The following NKD1 variants were observed in gnomAD, a reference collection of about 807,000 sequenced individuals.
NKD1 encodes the protein NKD inhibitor of Wnt signaling pathway 1.
NKD1 carries 21 observed loss-of-function variants against 56.0 expected under a neutral mutation model. The observed-to-expected ratio is 0.38, with a 90% CI of 0.27 to 0.54. NKD1 has a LOEUF of 0.54. Among genes scored for constraint, NKD1 ranks in the 20% least tolerant of loss-of-function variants. NKD1 has a pLI of 0.82. For synonymous variants in NKD1, 263 were observed against 265.7 expected (o/e 0.99, Z 0.10); for missense variants, 578 against 642.7 (o/e 0.90, Z 1.09).
chr16:50,588,462 G>T (rs535813298), intron 3 of NKD1, among the ~76,000 whole-genome samples: 24 of 152,304 alleles, frequency 1.6e-4, no homozygotes, highest in Admixed American at 1.3e-3. Context: ...GCTGAGATCT[G>T]TTCTTGGCTG....
chr16:50,571,754 G>T (rs1030734418), intron 3 of NKD1, among the ~76,000 whole-genome samples: 7 of 152,136 alleles, frequency 4.6e-5, no homozygotes, highest in African/African-American at 1.7e-4. Context: ...GACTCCAACA[G>T]CCTCTGAATT....
Position 50,598,145 on chromosome 16 carries a change from A to G in NKD1, c.193-10149A>G, listed in dbSNP as rs958993135. Among the ~76,000 whole-genome samples the G allele has an allele frequency of 6.6e-6, 1 of 151,982 alleles. No individual in the cohort carries two copies. Among genetic ancestry groups the G allele is most frequent in the South Asian group, 2.1e-4 (1 of 4,814 alleles). On this transcript the variant is annotated intron_variant, in intron 3 of 9. Transcript: ENST00000268459. The surrounding 1 kb of genome is among the most constrained non-coding windows in gnomAD (Gnocchi z 4.2). ...GCCAGGAGATGAGAGTGGGAGGCCCAGGGCTGATGGGATCAGAGTGGGTAG... is the reference window on the plus strand; with the variant it reads ...GCCAGGAGATGAGAGTGGGAGGCCCGGGGCTGATGGGATCAGAGTGGGTAG...
chr16:50,579,966 T>C (rs1040240426), intron 3 of NKD1, among the ~76,000 whole-genome samples: 4 of 151,662 alleles, frequency 2.6e-5, no homozygotes, highest in Non-Finnish European at 4.4e-5. Flanking sequence ...CTTGGTCCCA[T>C]GGGTACCTGC....
chr16:50,550,960 T>C (rs749414960), intron 3 of NKD1, among the ~76,000 whole-genome samples: 1 of 151,936 alleles, frequency 6.6e-6, no homozygotes, highest in Non-Finnish European at 1.5e-5. Context: ...TTTTTCTTTT[T>C]CTTTTCTTTT....
chr16:50,602,432 A>T (rs754835742), intron 3 of NKD1, among the ~76,000 whole-genome samples: 1 of 152,200 alleles, frequency 6.6e-6, no homozygotes, highest in Non-Finnish European at 1.5e-5. Flanking sequence ...GTTGCTTTCC[A>T]TGAAACCTTG....
At chr16:50,611,044 C>T (rs931534914) in intron 4 of NKD1, among the ~76,000 whole-genome samples, 1 of 152,198 alleles carries the variant, frequency 6.6e-6, no homozygotes, top group African/African-American at 2.4e-5. Flanking sequence ...CCCAGCCTCC[C>T]TGCCCCCACA....
At chr16:50,617,864 T>C (rs1961997895) in intron 4 of NKD1, among the ~76,000 whole-genome samples, 2 of 152,126 alleles carry the variant, frequency 1.3e-5, no homozygotes, top group South Asian at 4.1e-4. Flanking sequence ...CTGGTGGAAG[T>C]AGAGGGTGGC....
chr16:50,570,314 C>T (rs758229599), intron 3 of NKD1, among the ~76,000 whole-genome samples: 5 of 152,088 alleles, frequency 3.3e-5, no homozygotes, highest in Non-Finnish European at 7.4e-5. Context: ...GAAATTGGTT[C>T]TTGGGGGGCA....
rs1962716842 is a variant in NKD1, at chr16:50,648,256, T to C, written c.*14475T>C. The C allele has an allele frequency of 6.5e-6, 1 of 152,834 alleles. No homozygotes were observed. The highest frequency in any genetic ancestry group is 6.5e-5 in the Admixed American group (1 of 15,274). The allele number at this position is 152,834 out of a possible 1,614,324, so 9.5% of individuals were successfully genotyped here. A position where few individuals can be genotyped will look rare whatever the true frequency, so the allele number is the denominator to read the frequency against. ...CTCACAGTCAGTCCCTCTTGGCTCTTCCTAGAGTCCCTTTCATTCCCTCAT... is the reference window on the plus strand; with the variant it reads ...CTCACAGTCAGTCCCTCTTGGCTCTCCCTAGAGTCCCTTTCATTCCCTCAT... On this transcript the variant is annotated 3_prime_UTR_variant, in exon 10 of 10. Coordinates refer to ENST00000268459, the MANE Select transcript of NKD1 (RefSeq NM_033119.5).
intron 3 of NKD1, chr16:50,574,867 C>G (rs1158679702): frequency 2.0e-6 from 2 of 985,336 alleles, no homozygotes; most frequent in African/African-American, 3.5e-5. Flanking sequence ...GGGCCATGGT[C>G]TGTGAACACC....
chr16:50,560,258 C>T (rs1211052760), intron 3 of NKD1, among the ~76,000 whole-genome samples: 1 of 152,206 alleles, frequency 6.6e-6, no homozygotes, highest in Non-Finnish European at 1.5e-5. Flanking sequence ...TGGTCCTGGG[C>T]ACGTGCCTGC....
In NKD1 at chr16:50,639,073, T is replaced by A. The variant is rs1962527418; in HGVS notation, c.*5292T>A. 1 of 152,188 alleles carries A rather than the reference T, an allele frequency of 6.6e-6. No homozygotes were observed. The allele number at this position is 152,188 out of a possible 1,614,324, so 9.4% of individuals were successfully genotyped here. On this transcript the variant is annotated 3_prime_UTR_variant, in exon 10 of 10. Coordinates refer to ENST00000268459, the MANE Select transcript of NKD1 (RefSeq NM_033119.5). ...CATCCCCTGAATGCTTGGGATCACC[T>A]GGGGAGAGTTCACAAAATACTGGTG...
At chr16:50,596,065 G>A (rs1961464997) in intron 3 of NKD1, among the ~76,000 whole-genome samples, 1 of 152,222 alleles carries the variant, frequency 6.6e-6, no homozygotes, top group Non-Finnish European at 1.5e-5. Flanking sequence ...TGGAATCAAA[G>A]CGCTGTCTGC....
intron 4 of NKD1, among the ~76,000 whole-genome samples, chr16:50,615,345 A>G (rs771799212): frequency 2.0e-5 from 3 of 152,340 alleles, no homozygotes; most frequent in Non-Finnish European, 4.4e-5. Flanking sequence ...CTATAGACAT[A>G]TATATCTCAG....
At chr16:50,611,657 CAAT>C (rs1377814803) in intron 4 of NKD1, among the ~76,000 whole-genome samples, 1 of 152,190 alleles carries the variant, frequency 6.6e-6, no homozygotes, top group African/African-American at 2.4e-5. Flanking sequence ...TTCAGCTCTG[CAAT>C]GGTCCCTAAC....
rs2151273263 is a variant in NKD1, at chr16:50,598,252, T to TGG, written c.193-10041_193-10040insGG. ...CTCTGTGTGTGTGTGTGTGTGTGTGTGTGTGTGTGTGCGCGCACACCTGTG... is the reference window on the plus strand; with the variant it reads ...CTCTGTGTGTGTGTGTGTGTGTGTGTGGGTGTGTGTGTGCGCGCACACCTGTG... On this transcript the variant is annotated intron_variant, in intron 3 of 9. Transcript: ENST00000268459. This position sits in a 1 kb window ranked among gnomAD's most constrained non-coding sequence, Gnocchi z 4.2. Among the ~76,000 whole-genome samples, 1 of 149,004 alleles carries TGG rather than the reference T, an allele frequency of 6.7e-6. No individual in the cohort carries two copies. Among genetic ancestry groups the TGG allele is most frequent in the African/African-American group, 2.6e-5 (1 of 38,950 alleles).
At chr16:50,584,014 T>C (rs58685699) in intron 3 of NKD1, among the ~76,000 whole-genome samples, 2,210 of 152,342 alleles carry the variant, frequency 0.015, 48 homozygotes, top group African/African-American at 0.051. Flanking sequence ...AGTTGGCATA[T>C]CAGTTAGCTG....
At chr16:50,591,379 C>T (rs1411749534) in intron 3 of NKD1, among the ~76,000 whole-genome samples, 1 of 152,188 alleles carries the variant, frequency 6.6e-6, no homozygotes, top group African/African-American at 2.4e-5. Flanking sequence ...CTTTTCTTTC[C>T]TTCTCCTCAA....
At position 50,636,169 on chromosome 16, in the gene NKD1, G is replaced by C. The variant is rs536925384; in HGVS notation, c.*2388G>C. The C allele has an allele frequency of 2.2e-4, 33 of 152,422 alleles. No homozygotes were observed. The highest frequency in any genetic ancestry group is 6.5e-4 in the African/African-American group (27 of 41,560). 9.4% of individuals were successfully genotyped at this position (152,422 alleles called of 1,614,324 possible). Reference sequence around the variant, plus strand: ...GGTCACGTGGCCAACCTGCCGCAAGGGGGTGGGGTCTGTACCGGAAGACAG... The same window carrying C: ...GGTCACGTGGCCAACCTGCCGCAAGCGGGTGGGGTCTGTACCGGAAGACAG... On this transcript the variant is annotated 3_prime_UTR_variant, in exon 10 of 10. Coordinates refer to ENST00000268459, the MANE Select transcript of NKD1 (RefSeq NM_033119.5).
Sources: gnomAD v4.1 joint callset for allele counts (sites outside exome capture counted in the v4.1 genomes callset) on GRCh38, gnomAD v4.1.1 for gene constraint, Gnocchi (gnomAD v3.1) non-coding constraint, MANE v1.5 for transcripts, NCBI Gene and HGNC (gene_info 2026-07-23, HGNC 2026-07-21) for gene names.